SLMAP: variants seen among roughly 807,000 people sequenced by gnomAD.
The protein encoded by SLMAP is sarcolemma associated protein, also known as sarcolemmal membrane-associated protein.
Under a neutral mutation model 128.8 loss-of-function variants are expected in SLMAP, and 44 were observed. That is an observed-to-expected ratio of 0.34 (90% CI 0.27 to 0.44). The LOEUF (loss-of-function observed/expected upper bound fraction) is 0.44, where lower values mean the gene tolerates loss of function less well. SLMAP is among the 20% of genes least tolerant of loss of function. SLMAP has a pLI of 1.00. For missense variants in SLMAP, 787 were observed against 985.3 expected, an observed-to-expected ratio of 0.80 and a Z score of 2.69; for synonymous variants, 327 against 348.8, an observed-to-expected ratio of 0.94 and a Z score of 0.70.
intron 14 of SLMAP, among the ~76,000 whole-genome samples, chr3:57,876,606 T>C (rs2153627388): frequency 6.6e-6 from 1 of 152,348 alleles, no homozygotes; most frequent in Non-Finnish European, 1.5e-5. Flanking sequence ...ACATTTAGTG[T>C]TCTCTGCAAA....
chr3:57,896,242 T>G, intron 15 of SLMAP: 1 of 1,135,072 alleles, frequency 8.8e-7, no homozygotes, highest in South Asian at 3.1e-5. Context: ...CGTTTTTGTT[T>G]CCAGTTGGCA....
At chr3:57,887,649 T>C (rs182521982) in intron 14 of SLMAP, among the ~76,000 whole-genome samples, 1 of 152,370 alleles carries the variant, frequency 6.6e-6, no homozygotes, top group Non-Finnish European at 1.5e-5. Flanking sequence ...TATCTTATGA[T>C]GTTGCTGTCT....
intron 3 of SLMAP, among the ~76,000 whole-genome samples, chr3:57,836,250 G>T (rs916304906): frequency 3.9e-5 from 6 of 151,954 alleles, no homozygotes; most frequent in African/African-American, 1.5e-4. Context: ...AGAAGAGGGA[G>T]CCAAATTAAA....
intron 3 of SLMAP, among the ~76,000 whole-genome samples, chr3:57,833,850 A>G (rs994164099): frequency 6.6e-6 from 1 of 152,184 alleles, no homozygotes; most frequent in Non-Finnish European, 1.5e-5. Flanking sequence ...ACTGGCTTCA[A>G]AAAGTTGACT....
At chr3:57,799,546 G>A (rs1454199184) in intron 2 of SLMAP, among the ~76,000 whole-genome samples, 1 of 152,160 alleles carries the variant, frequency 6.6e-6, no homozygotes, top group Non-Finnish European at 1.5e-5. Context: ...CTTTCTGAAA[G>A]TAAGAATTTA....
intron 14 of SLMAP, among the ~76,000 whole-genome samples, chr3:57,888,351 G>A (rs1049509829): frequency 2.0e-4 from 30 of 152,072 alleles, no homozygotes; most frequent in South Asian, 4.2e-4. Flanking sequence ...TAGGCCAGGC[G>A]CAGTGGCTCA....
At chr3:57,864,305 G>A (rs1000116127) in intron 10 of SLMAP, among the ~76,000 whole-genome samples, 2 of 152,080 alleles carry the variant, frequency 1.3e-5, no homozygotes, top group Non-Finnish European at 1.5e-5. Context: ...TACTTGGGAG[G>A]CTGAGGCAGG....
At chr3:57,765,894 G>A (rs1398038221) in intron 2 of SLMAP, among the ~76,000 whole-genome samples, 3 of 151,764 alleles carry the variant, frequency 2.0e-5, no homozygotes, top group East Asian at 1.9e-4. Context: ...TAAAAATATC[G>A]ACAGTGTATA....
At chr3:57,868,795 A>AATATATAT (rs3037511) in intron 13 of SLMAP, among the ~76,000 whole-genome samples, 190 of 124,662 alleles carry the variant, frequency 1.5e-3, no homozygotes, top group Middle Eastern at 3.8e-3. Context: ...GAACTAATGG[A>AATATATAT]ATATATATAT....
At chr3:57,799,705 A>AT (rs2087722066) in intron 2 of SLMAP, among the ~76,000 whole-genome samples, 1 of 151,926 alleles carries the variant, frequency 6.6e-6, no homozygotes, top group South Asian at 2.1e-4. Flanking sequence ...AGGATGATGT[A>AT]TTTTTTTTAT....
At chr3:57,784,085 CG>C (rs2083586899) in intron 2 of SLMAP, among the ~76,000 whole-genome samples, 1 of 152,082 alleles carries the variant, frequency 6.6e-6, no homozygotes, top group Non-Finnish European at 1.5e-5. Flanking sequence ...CATGGATAGG[CG>C]GGGGGCCCAG....
chr3:57,924,801 A>G (rs1271803229), intron 23 of SLMAP, among the ~76,000 whole-genome samples: 2 of 150,610 alleles, frequency 1.3e-5, no homozygotes, highest in East Asian at 3.9e-4. Context: ...GCTTTGGTTG[A>G]AAAAAAAAAT....
At chr3:57,878,836 G>C (rs1246429791) in intron 14 of SLMAP, among the ~76,000 whole-genome samples, 3 of 152,142 alleles carry the variant, frequency 2.0e-5, no homozygotes, top group Admixed American at 6.6e-5. Context: ...ACCCAATTTT[G>C]AGACTTAGAA....
At chr3:57,832,159 A>G (rs1387914358) in intron 3 of SLMAP, among the ~76,000 whole-genome samples, 1 of 152,204 alleles carries the variant, frequency 6.6e-6, no homozygotes, top group Non-Finnish European at 1.5e-5. Context: ...GATCGCATAC[A>G]TAGTTACCTG....
intron 3 of SLMAP, among the ~76,000 whole-genome samples, chr3:57,833,622 G>T (rs2093467987): frequency 1.3e-5 from 2 of 152,134 alleles, no homozygotes; most frequent in Non-Finnish European, 2.9e-5. Context: ...GTTTCACCAT[G>T]TTGGCCAGGA....
intron 16 of SLMAP, 89 bp downstream of exon 16, chr3:57,896,680 T>A (rs964833362): frequency 8.0e-7 from 1 of 1,256,114 alleles, no homozygotes; most frequent in Middle Eastern, 1.9e-4. Context: ...TCAAAGTATG[T>A]GTTTGGGGAA....
At chr3:57,871,865 G>T (rs556558704) in intron 14 of SLMAP, among the ~76,000 whole-genome samples, 167 bp downstream of exon 14, 1 of 152,266 alleles carries the variant, frequency 6.6e-6, no homozygotes, top group East Asian at 1.9e-4. Flanking sequence ...TTTGAGAAAA[G>T]TATTTCTGTT....
chr3:57,907,874 T>G lies in SLMAP; in HGVS notation c.1502-10T>G, dbSNP rs1258646969. 1 of 1,611,838 alleles carries G rather than the reference T, an allele frequency of 6.2e-7. No homozygotes were observed. Among genetic ancestry groups the G allele is most frequent in the East Asian group, 2.2e-5 (1 of 44,770 alleles). On this transcript the variant is annotated splice_polypyrimidine_tract_variant and intron_variant, in intron 17 of 24. Transcript: ENST00000671191. ...AACTCTTGCTTTTAAAATAAACATG[T>G]TTTTGTCAGATGACTTGCAGGGTGC...
intron 22 of SLMAP, among the ~76,000 whole-genome samples, chr3:57,920,852 T>G (rs1034928365): frequency 1.3e-5 from 2 of 151,814 alleles, no homozygotes; most frequent in Non-Finnish European, 2.9e-5. Flanking sequence ...CCATCTGTAC[T>G]AAAAATACAA....
Sources: allele counts gnomAD v4.1 joint callset (sites outside exome capture counted in the v4.1 genomes callset), GRCh38; gene constraint gnomAD v4.1.1; transcripts MANE v1.5; gene names NCBI Gene and HGNC (gene_info 2026-07-23, HGNC 2026-07-21).